The following PRDM16 variants were observed in gnomAD, a reference collection of about 807,000 sequenced individuals.
The protein encoded by PRDM16 is PR/SET domain 16, also known as histone-lysine N-methyltransferase PRDM16.
PRDM16 carries 23 observed loss-of-function variants against 110.6 expected under a neutral mutation model. That is an observed-to-expected ratio of 0.21 (90% CI 0.15 to 0.29). The LOEUF is 0.29. Ranked by LOEUF, PRDM16 falls within the 10% of genes least tolerant of loss-of-function variation. The pLI is 1.00. For missense variants in PRDM16, 1,615 were observed against 1,794.3 expected (o/e 0.90, Z 1.81); for synonymous variants, 799 against 781.8 (o/e 1.02, Z -0.37).
At chr1:3,306,800 C>G (rs1641325277) in intron 3 of PRDM16, 1 of 152,144 alleles carries the variant, frequency 6.6e-6, no homozygotes, top group East Asian at 1.9e-4. Context: ...AAAAAGAAAC[C>G]ACACACCTAT....
At chr1:3,180,104 G>A (rs1644132694) in intron 1 of PRDM16, among the ~76,000 whole-genome samples, 1 of 152,034 alleles carries the variant, frequency 6.6e-6, no homozygotes, top group Non-Finnish European at 1.5e-5. Flanking sequence ...ATTCCCTCGT[G>A]TTTCTCAGGT....
At chr1:3,261,371 G>A (rs999566137) in intron 3 of PRDM16, among the ~76,000 whole-genome samples, 10 of 152,110 alleles carry the variant, frequency 6.6e-5, no homozygotes, top group African/African-American at 1.4e-4. Context: ...TCCTTGGGGC[G>A]AGATGACTTG....
chr1:3,266,979 C>T (rs1037831980), intron 3 of PRDM16, among the ~76,000 whole-genome samples: 17 of 152,188 alleles, frequency 1.1e-4, no homozygotes, highest in African/African-American at 4.1e-4. Context: ...CGCCCGGCCA[C>T]GTGCATTTTA....
rs528103713 is a variant in PRDM16, at chr1:3,403,035, G to A, written c.884+37G>A. ...TCCTCTGAGTCTTCCTCCCCTTCCCGTACCCTCCTCTGAGTCTTCCTCCCC... is the reference window on the plus strand; with the variant it reads ...TCCTCTGAGTCTTCCTCCCCTTCCCATACCCTCCTCTGAGTCTTCCTCCCC... On this transcript the variant is annotated intron_variant, in intron 6 of 16. Transcript: ENST00000270722. The A allele has an allele frequency of 3.4e-5, 43 of 1,249,806 alleles. No homozygotes were observed. In the African/African-American group the frequency reaches 3.7e-4, roughly 11 times the overall value. The allele number at this position is 1,249,806 out of a possible 1,614,324, so 77.4% of individuals were successfully genotyped here.
At position 3,390,037 on chromosome 1, in the gene PRDM16, T is replaced by C. The variant is rs1643272572; in HGVS notation, c.573+4751T>C. Among the ~76,000 whole-genome samples the C allele has an allele frequency of 1.4e-5, 2 of 146,366 alleles. No individual in the cohort carries two copies. The highest frequency in any genetic ancestry group is 4.3e-4 in the South Asian group (2 of 4,600). Reference sequence around the variant, plus strand: ...ATCACCCCTGGGTGGTTCTTTCTCCTGTAATTATGAACAAATGAGCTGGTT... The same window carrying C: ...ATCACCCCTGGGTGGTTCTTTCTCCCGTAATTATGAACAAATGAGCTGGTT... On this transcript the variant is annotated intron_variant, in intron 4 of 16. Coordinates refer to ENST00000270722, the MANE Select transcript of PRDM16 (RefSeq NM_022114.4). The surrounding 1 kb of genome is among the most constrained non-coding windows in gnomAD (Gnocchi z 5.0).
chr1:3,181,047 CA>C (rs2100779692), intron 1 of PRDM16, among the ~76,000 whole-genome samples: 3 of 113,084 alleles, frequency 2.7e-5, no homozygotes, highest in East Asian at 2.4e-4. Flanking sequence ...CTTACACACG[CA>C]GTCTTACACG....
chr1:3,120,734 G>C (rs1022772708), intron 1 of PRDM16, among the ~76,000 whole-genome samples: 1 of 152,200 alleles, frequency 6.6e-6, no homozygotes, highest in East Asian at 1.9e-4. Flanking sequence ...GTCTGGAAGC[G>C]GTGGGCCTCG....
chr1:3,082,573 G>A (rs1466605563), intron 1 of PRDM16, among the ~76,000 whole-genome samples: 17 of 152,238 alleles, frequency 1.1e-4, no homozygotes, highest in African/African-American at 3.4e-4. Context: ...GTGCAGCTCC[G>A]AGGGTCACTC....
intron 3 of PRDM16, among the ~76,000 whole-genome samples, chr1:3,298,980 C>G (rs1641148988): frequency 6.6e-6 from 1 of 152,252 alleles, no homozygotes; most frequent in Non-Finnish European, 1.5e-5. Flanking sequence ...TGTGAAGGGT[C>G]TGACCTACAG....
intron 4 of PRDM16, among the ~76,000 whole-genome samples, chr1:3,389,396 C>T (rs72633315): frequency 0.03 from 4,564 of 152,332 alleles, 77 homozygotes; most frequent in Middle Eastern, 0.078. Context: ...TCGGACCGTC[C>T]TCTCCATGAA....
intron 3 of PRDM16, among the ~76,000 whole-genome samples, chr1:3,376,687 T>C (rs941414495): frequency 1.3e-5 from 2 of 152,054 alleles, no homozygotes; most frequent in Non-Finnish European, 2.9e-5. Context: ...AGTTGCCTGT[T>C]TCTCCAAGCA....
At chr1:3,128,376 A>G (rs1334914790) in intron 1 of PRDM16, among the ~76,000 whole-genome samples, 2 of 152,174 alleles carry the variant, frequency 1.3e-5, no homozygotes, top group Non-Finnish European at 2.9e-5. Context: ...CATTTATAGT[A>G]TTCGGGGGTT....
At chr1:3,117,723 G>A (rs751377562) in intron 1 of PRDM16, among the ~76,000 whole-genome samples, 18 of 152,110 alleles carry the variant, frequency 1.2e-4, no homozygotes, top group South Asian at 2.1e-4. Flanking sequence ...CCTGTTGACC[G>A]CTGGGCTGAG....
intron 1 of PRDM16, among the ~76,000 whole-genome samples, chr1:3,172,030 C>T (rs1644031524): frequency 6.6e-6 from 1 of 152,190 alleles, no homozygotes; most frequent in African/African-American, 2.4e-5. Flanking sequence ...GTGAGGTACT[C>T]AACGGCTCCA....
intron 3 of PRDM16, among the ~76,000 whole-genome samples, chr1:3,317,588 G>A (rs924620870): frequency 2.6e-5 from 4 of 152,200 alleles, no homozygotes; most frequent in African/African-American, 7.2e-5. Flanking sequence ...AAGCCATCAC[G>A]TGGGCCGGAT....
chr1:3,330,004 C>G (rs1642011028), intron 3 of PRDM16, among the ~76,000 whole-genome samples: 1 of 152,254 alleles, frequency 6.6e-6, no homozygotes, highest in Non-Finnish European at 1.5e-5. Context: ...TTTAAGAATG[C>G]AGGTCCTCTG....
chr1:3,284,956 G>C (rs1338233736), intron 3 of PRDM16, among the ~76,000 whole-genome samples: 1 of 152,210 alleles, frequency 6.6e-6, no homozygotes, highest in African/African-American at 2.4e-5. Flanking sequence ...TGAGTGACCT[G>C]CTCCCCTCTG....
intron 3 of PRDM16, among the ~76,000 whole-genome samples, chr1:3,261,885 G>C (rs193036809): frequency 6.6e-6 from 1 of 152,308 alleles, no homozygotes; most frequent in Admixed American, 6.5e-5. Context: ...GCAGCTCCTG[G>C]TCCCATGGGC....
chr1:3,249,945 G>A (rs1257412799), intron 3 of PRDM16, among the ~76,000 whole-genome samples: 1 of 152,208 alleles, frequency 6.6e-6, no homozygotes, highest in Non-Finnish European at 1.5e-5. Flanking sequence ...TGATTTTGCT[G>A]AATCAAAGGC....
Sources: gnomAD v4.1 joint callset for allele counts (sites outside exome capture counted in the v4.1 genomes callset) on GRCh38, gnomAD v4.1.1 for gene constraint, Gnocchi (gnomAD v3.1) non-coding constraint, MANE v1.5 for transcripts, NCBI Gene and HGNC (gene_info 2026-07-23, HGNC 2026-07-21) for gene names.